BCL2: variants seen among roughly 807,000 people sequenced by gnomAD.
The protein encoded by BCL2 is apoptosis regulator Bcl-2.
Under a neutral mutation model 14.2 loss-of-function variants are expected in BCL2, and 1 was observed. That is an observed-to-expected ratio of 0.07 (90% CI 0.02 to 0.33). BCL2 has a LOEUF of 0.33. Among genes scored for constraint, BCL2 ranks in the 10% least tolerant of loss-of-function variants. The pLI, the probability that BCL2 is intolerant of heterozygous loss-of-function variation, is 0.99. For missense variants in BCL2, 247 were observed against 305.9 expected, an observed-to-expected ratio of 0.81 and a Z score of 1.44; for synonymous variants, 151 against 137.2, an observed-to-expected ratio of 1.10 and a Z score of -0.70.
In BCL2 at chr18:63,318,019, C is replaced by T; in HGVS notation, c.585+63G>A. On this transcript the variant is annotated intron_variant, in intron 2 of 2. Coordinates refer to ENST00000333681, the MANE Select transcript of BCL2 (RefSeq NM_000633.3). This position sits in a 1 kb window ranked among gnomAD's most constrained non-coding sequence, Gnocchi z 7.4. ...CCATTGCCCCAGGAGCCCACCCGCA[C>T]TCCAACCCCCGCATCTCGGACCTGT... The T allele has an allele frequency of 3.8e-6, 6 of 1,576,458 alleles. No homozygotes were observed. The highest frequency in any genetic ancestry group is 5.2e-6 in the Non-Finnish European group (6 of 1,157,528).
intron 2 of BCL2, among the ~76,000 whole-genome samples, chr18:63,296,393 C>G (rs77964066): frequency 6.6e-6 from 1 of 152,084 alleles, no homozygotes; most frequent in African/African-American, 2.4e-5. Flanking sequence ...AACCTCCCAT[C>G]TCAGCCTCAA....
chr18:63,300,342 CA>C (rs1173772629), intron 2 of BCL2, among the ~76,000 whole-genome samples: 1 of 151,810 alleles, frequency 6.6e-6, no homozygotes, highest in Non-Finnish European at 1.5e-5. Flanking sequence ...GCCTATTTAA[CA>C]CACACACATT....
At chr18:63,317,923 T>C in intron 2 of BCL2, 159 bp downstream of exon 2, 2 of 1,451,282 alleles carry the variant, frequency 1.4e-6, no homozygotes, top group East Asian at 2.5e-5. Flanking sequence ...AGTGAACGCT[T>C]TGTCCAGAGG....
chr18:63,200,731 TG>T (rs1909667383), intron 2 of BCL2, among the ~76,000 whole-genome samples: 1 of 152,104 alleles, frequency 6.6e-6, no homozygotes, highest in Non-Finnish European at 1.5e-5. Flanking sequence ...CATCAACTCC[TG>T]GGAAAAAGTG....
At chr18:63,228,373 C>T (rs1341146360) in intron 2 of BCL2, among the ~76,000 whole-genome samples, 1 of 152,236 alleles carries the variant, frequency 6.6e-6, no homozygotes, top group African/African-American at 2.4e-5. Flanking sequence ...CAAGTGTCAA[C>T]TAATCCAAGA....
At chr18:63,294,586 C>G (rs896738085) in intron 2 of BCL2, among the ~76,000 whole-genome samples, 1 of 151,924 alleles carries the variant, frequency 6.6e-6, no homozygotes, top group African/African-American at 2.4e-5. Flanking sequence ...AGGAGAATCA[C>G]TTGAACCCGG....
chr18:63,146,756 G>A (rs528973860), intron 2 of BCL2, among the ~76,000 whole-genome samples: 3 of 152,122 alleles, frequency 2.0e-5, no homozygotes, highest in East Asian at 1.9e-4. Context: ...GAAACACCCC[G>A]AGAAACTGTG....
chr18:63,318,028 C>T lies in BCL2; in HGVS notation c.585+54G>A. The stretch of plus-strand genomic sequence containing the variant: ...CAGGAGCCCACCCGCACTCCAACCC[C>T]CGCATCTCGGACCTGTGGCCTCAGC... On this transcript the variant is annotated intron_variant, in intron 2 of 2. Coordinates refer to ENST00000333681, the MANE Select transcript of BCL2 (RefSeq NM_000633.3). The surrounding 1 kb of genome is among the most constrained non-coding windows in gnomAD (Gnocchi z 7.4). The T allele has an allele frequency of 1.3e-6, 2 of 1,586,528 alleles. No individual in the cohort carries two copies. Among genetic ancestry groups the T allele is most frequent in the South Asian group, 2.3e-5 (2 of 88,006 alleles).
chr18:63,283,265 A>G (rs750365396), intron 2 of BCL2, among the ~76,000 whole-genome samples: 3 of 152,220 alleles, frequency 2.0e-5, no homozygotes, highest in Non-Finnish European at 4.4e-5. Flanking sequence ...TGAAACGCCC[A>G]TCTCTCAGAA....
intron 2 of BCL2, among the ~76,000 whole-genome samples, chr18:63,311,950 C>T (rs1206071202): frequency 1.3e-5 from 2 of 152,208 alleles, no homozygotes; most frequent in Non-Finnish European, 2.9e-5. Flanking sequence ...TCAGGTATAA[C>T]CCCACTATAA....
chr18:63,304,857 G>A (rs757863111), intron 2 of BCL2, among the ~76,000 whole-genome samples: 6 of 152,328 alleles, frequency 3.9e-5, no homozygotes, highest in Non-Finnish European at 7.4e-5. Context: ...TAAGGACTCT[G>A]AGGAATTCAA....
chr18:63,315,871 T>A (rs533410231), intron 2 of BCL2: 36 of 152,284 alleles, frequency 2.4e-4, no homozygotes, highest in African/African-American at 7.9e-4. Flanking sequence ...ATATATATAT[T>A]TTTTCTCTAA....
chr18:63,176,942 G>T (rs1175788110), intron 2 of BCL2, among the ~76,000 whole-genome samples: 3 of 149,856 alleles, frequency 2.0e-5, no homozygotes, highest in Non-Finnish European at 3.0e-5. Flanking sequence ...TTGAGACAGG[G>T]TCTCACTCCC....
At chr18:63,245,841 A>T (rs1264631062) in intron 2 of BCL2, among the ~76,000 whole-genome samples, 1 of 152,212 alleles carries the variant, frequency 6.6e-6, no homozygotes, top group Non-Finnish European at 1.5e-5. Context: ...TTAAAGTTCT[A>T]TGAGAAAGTT....
At chr18:63,264,140 G>A (rs1021802563) in intron 2 of BCL2, among the ~76,000 whole-genome samples, 2 of 152,142 alleles carry the variant, frequency 1.3e-5, no homozygotes, top group African/African-American at 4.8e-5. Context: ...TTGAATCCGC[G>A]GACTGCACCT....
At chr18:63,242,488 C>T (rs1180191795) in intron 2 of BCL2, among the ~76,000 whole-genome samples, 2 of 152,168 alleles carry the variant, frequency 1.3e-5, no homozygotes, top group Non-Finnish European at 2.9e-5. Context: ...CTGAGTATAG[C>T]GTAGGTGAGC....
chr18:63,276,249 T>A (rs1912150349), intron 2 of BCL2, among the ~76,000 whole-genome samples: 1 of 152,242 alleles, frequency 6.6e-6, no homozygotes, highest in Non-Finnish European at 1.5e-5. Flanking sequence ...TTTTTATGAA[T>A]GGCAGATCTC....
intron 2 of BCL2, among the ~76,000 whole-genome samples, chr18:63,143,971 C>T (rs888839380): frequency 6.6e-6 from 1 of 152,200 alleles, no homozygotes; most frequent in South Asian, 2.1e-4. Flanking sequence ...ACTCAGTAAA[C>T]GCTCTTCCAA....
At chr18:63,234,687 G>A (rs189023789) in intron 2 of BCL2, among the ~76,000 whole-genome samples, 80 of 152,266 alleles carry the variant, frequency 5.3e-4, no homozygotes, top group African/African-American at 1.7e-3. Context: ...GTGGTTAAGC[G>A]CATGGGCTCT....
Sources: allele counts gnomAD v4.1 joint callset (sites outside exome capture counted in the v4.1 genomes callset), GRCh38; gene constraint gnomAD v4.1.1; non-coding constraint Gnocchi (gnomAD v3.1); transcripts MANE v1.5; gene names NCBI Gene and HGNC (gene_info 2026-07-23, HGNC 2026-07-21).